Variants in PDE9A observed in about 807,000 individuals in gnomAD.
The protein encoded by PDE9A is high affinity cGMP-specific 3',5'-cyclic phosphodiesterase 9A.
Under a neutral mutation model 87.4 loss-of-function variants are expected in PDE9A, and 60 were observed. That is an observed-to-expected ratio of 0.69 (90% confidence interval 0.56 to 0.85). PDE9A has a LOEUF of 0.85. Among genes scored for constraint, PDE9A ranks in the 40% least tolerant of loss-of-function variants. PDE9A has a pLI of 0.00. For missense variants in PDE9A, 665 were observed against 779.0 expected (o/e 0.85, Z 1.74); for synonymous variants, 272 against 279.4 (o/e 0.97, Z 0.27).
chr21:42,715,783 TCAGA>T (rs1283672580), intron 4 of PDE9A, among the ~76,000 whole-genome samples: 1 of 151,758 alleles, frequency 6.6e-6, no homozygotes, highest in African/African-American at 2.4e-5. Context: ...CATCCCAGTC[TCAGA>T]CAGAATCGGT....
chr21:42,685,305 G>C (rs2059392444), intron 1 of PDE9A, among the ~76,000 whole-genome samples: 1 of 152,218 alleles, frequency 6.6e-6, no homozygotes, highest in Non-Finnish European at 1.5e-5. Context: ...GGCGGCACTG[G>C]GGAGCGAGCG....
rs988507797 is a variant in PDE9A, at chr21:42,705,353, C to T, written c.262+6342C>T. 4.6e-5 allele frequency among the ~76,000 whole-genome samples: 7 copies of T among 152,258 alleles called. No individual in the cohort carries two copies. The highest frequency in any genetic ancestry group is 1.9e-4 in the East Asian group (1 of 5,190). ...TCAATCACTTTTATTTGATGTAAGC[C>T]GCTCAAACTCAAAGAGTGTTGTTTT... On this transcript the variant is annotated intron_variant, in intron 4 of 19. Coordinates refer to ENST00000291539, the MANE Select transcript of PDE9A (RefSeq NM_002606.3). This position sits in a 1 kb window ranked among gnomAD's most constrained non-coding sequence, Gnocchi z 4.3.
At chr21:42,668,895 T>C (rs1267891114) in intron 1 of PDE9A, among the ~76,000 whole-genome samples, 333 of 98,868 alleles carry the variant, frequency 3.4e-3, no homozygotes, top group African/African-American at 0.015. Context: ...AGCTGCTCCC[T>C]CCACCCCCCG....
chr21:42,760,714 C>T lies in PDE9A; in HGVS notation c.1003-111C>T, dbSNP rs2055637840. 1.2e-5 allele frequency: 9 copies of T among 724,916 alleles called. No individual in the cohort carries two copies. The highest frequency in any genetic ancestry group is 2.0e-5 in the Non-Finnish European group (8 of 399,866). 44.9% of individuals were successfully genotyped at this position (724,916 alleles called of 1,614,324 possible). ...CACCATGCCAGGAGATGCCAGATGG[C>T]TGCAGGGGCCTTTGTCCCCCGCTTA... On this transcript the variant is annotated intron_variant, in intron 12 of 19. Coordinates refer to ENST00000291539, the MANE Select transcript of PDE9A (RefSeq NM_002606.3). This position sits in a 1 kb window ranked among gnomAD's most constrained non-coding sequence, Gnocchi z 5.2.
chr21:42,658,349 T>C (rs1275755665), intron 1 of PDE9A, among the ~76,000 whole-genome samples: 1 of 152,234 alleles, frequency 6.6e-6, no homozygotes, highest in Non-Finnish European at 1.5e-5. Flanking sequence ...TGATCTGTCC[T>C]GTTCAGGCCC....
chr21:42,686,795 A>G (rs2059500386), intron 2 of PDE9A, among the ~76,000 whole-genome samples: 1 of 152,208 alleles, frequency 6.6e-6, no homozygotes, highest in Admixed American at 6.5e-5. Flanking sequence ...AGCCTGGGCA[A>G]CAGAGCGAGA....
chr21:42,719,666 T>C (rs2050294687), intron 4 of PDE9A, among the ~76,000 whole-genome samples: 1 of 144,366 alleles, frequency 6.9e-6, no homozygotes, highest in South Asian at 2.3e-4. Flanking sequence ...AAAAAAGAAA[T>C]ATTCCTTCGT....
chr21:42,740,633 ACATAGATGAATGGATG>A (rs1187457954), intron 7 of PDE9A, among the ~76,000 whole-genome samples: 8 of 47,208 alleles, frequency 1.7e-4, no homozygotes, highest in East Asian at 1.8e-3. Context: ...ATGAATGGAT[ACATAGATGAATGGATG>A]GATAGATAGT....
intron 1 of PDE9A, among the ~76,000 whole-genome samples, chr21:42,665,155 A>G (rs2057879779): frequency 6.6e-6 from 1 of 152,196 alleles, no homozygotes; most frequent in Non-Finnish European, 1.5e-5. Context: ...AGAGTGATGC[A>G]TGTACAAGCC....
rs1226908737 is a variant in PDE9A, at chr21:42,751,118, C to T, written c.656C>T (p.Thr219Ile). The stretch of plus-strand genomic sequence containing the variant: ...TCATCTCTGCTCCTTCTCTCTAGGA[C>T]CAACTGCCCCTGTAAGTACAGTTTT... The part of the protein sequence containing the change: ...REELAARSSR[T>I]NCPCKYSFLD... The change falls in exon 9 of 20, where the codon ACC becomes ATC. Residue 219 changes from threonine (T) to isoleucine (I), a missense_variant and splice_region_variant. Coordinates refer to ENST00000291539, the MANE Select transcript of PDE9A (RefSeq NM_002606.3). The T allele has an allele frequency of 1.9e-6, 3 of 1,601,034 alleles. No homozygotes were observed. The South Asian group carries it at 3.3e-5, about 18-fold the overall frequency.
chr21:42,752,430 G>C (rs1251526132), intron 9 of PDE9A, among the ~76,000 whole-genome samples: 1 of 151,962 alleles, frequency 6.6e-6, no homozygotes, highest in Non-Finnish European at 1.5e-5. Context: ...CGCCATGCCC[G>C]GCTAATTACT....
At chr21:42,743,652 G>C in intron 7 of PDE9A, 124 bp from the exon 8 acceptor site, 1 of 639,692 alleles carries the variant, frequency 1.6e-6, no homozygotes, top group Non-Finnish European at 2.8e-6. Flanking sequence ...GGGCAGGTGT[G>C]GGGACCTCTG....
chr21:42,744,126 G>A (rs558795222), intron 8 of PDE9A, among the ~76,000 whole-genome samples: 3 of 152,316 alleles, frequency 2.0e-5, no homozygotes, highest in East Asian at 1.9e-4. Flanking sequence ...GCCGAGGTGG[G>A]AGGATCACCT....
At position 42,759,711 on chromosome 21, in the gene PDE9A, G is replaced by A. The variant is rs983872247; in HGVS notation, c.898-617G>A. Among the ~76,000 whole-genome samples, 52 of 148,990 alleles carry A rather than the reference G, an allele frequency of 3.5e-4. 2 individuals carry two copies. Among genetic ancestry groups the A allele is most frequent in the Admixed American group, 3.1e-3 (46 of 14,910 alleles). ...TGGATGTGGGGTGTGTCTGTGTGTG[G>A]GTGTGTGTGAGGGTGTGTGTGCATG... On this transcript the variant is annotated intron_variant, in intron 11 of 19. Coordinates refer to ENST00000291539, the MANE Select transcript of PDE9A (RefSeq NM_002606.3). The surrounding 1 kb of genome is among the most constrained non-coding windows in gnomAD (Gnocchi z 7.2).
chr21:42,769,242 C>G (rs2056682512), intron 17 of PDE9A, 87 bp downstream of exon 17: 1 of 1,218,448 alleles, frequency 8.2e-7, no homozygotes, highest in Non-Finnish European at 1.2e-6. Context: ...CACATATGCA[C>G]ACAGGTACAC....
chr21:42,766,945 G>A (rs1471554655), intron 15 of PDE9A, among the ~76,000 whole-genome samples: 1 of 152,130 alleles, frequency 6.6e-6, no homozygotes, highest in Non-Finnish European at 1.5e-5. Flanking sequence ...AGTGAACCCA[G>A]CTGAAGGTCC....
chr21:42,676,020 G>A (rs2058827242), intron 1 of PDE9A, among the ~76,000 whole-genome samples: 1 of 152,128 alleles, frequency 6.6e-6, no homozygotes, highest in Non-Finnish European at 1.5e-5. Context: ...GTTTATGTGT[G>A]AAGGTAGAAG....
intron 4 of PDE9A, among the ~76,000 whole-genome samples, chr21:42,719,517 T>G (rs2050268272): frequency 9.8e-6 from 1 of 102,464 alleles, no homozygotes. Flanking sequence ...GGTGCATACC[T>G]GTAATCCCAG....
In PDE9A at chr21:42,675,391, T is replaced by C. The variant is rs897934181; in HGVS notation, c.70-10801T>C. 5.9e-5 allele frequency among the ~76,000 whole-genome samples: 9 copies of C among 152,154 alleles called. No homozygotes were observed. The highest frequency in any genetic ancestry group is 2.2e-4 in the African/African-American group (9 of 41,426). ...GCAGCAGGGCAGCGCAGGGCATTGG[T>C]TGGGGTATAAATCCGGGGGTGCAGT... On this transcript the variant is annotated intron_variant, in intron 1 of 19. Coordinates refer to ENST00000291539, the MANE Select transcript of PDE9A (RefSeq NM_002606.3). The surrounding 1 kb of genome is among the most constrained non-coding windows in gnomAD (Gnocchi z 4.3).
Sources: gnomAD v4.1 joint callset for allele counts (sites outside exome capture counted in the v4.1 genomes callset) on GRCh38, gnomAD v4.1.1 for gene constraint, Gnocchi (gnomAD v3.1) non-coding constraint, MANE v1.5 for transcripts, NCBI Gene and HGNC (gene_info 2026-07-23, HGNC 2026-07-21) for gene names.